SH3GL2: variants seen among roughly 807,000 people sequenced by gnomAD.
SH3GL2 encodes SH3 domain containing GRB2 like 2, endophilin A1.
A neutral mutation model predicts 46.0 loss-of-function variants in SH3GL2; 24 were observed. That is an observed-to-expected ratio of 0.52 (90% CI 0.38 to 0.73). The LOEUF is 0.73. SH3GL2 is among the 30% of genes least tolerant of loss of function. The probability of loss-of-function intolerance (pLI) is 0.00; values close to 1 mark genes in which losing one functional copy is unlikely to be tolerated. For synonymous variants in SH3GL2, 196 were observed against 147.1 expected (o/e 1.33, Z -2.40); for missense variants, 413 against 424.2 (o/e 0.97, Z 0.23).
At chr9:17,586,842 G>A (rs1192478751) in intron 1 of SH3GL2, among the ~76,000 whole-genome samples, 1 of 152,156 alleles carries the variant, frequency 6.6e-6, no homozygotes, top group Non-Finnish European at 1.5e-5. Flanking sequence ...ATTTGGGTGG[G>A]GACACAGCCA....
chr9:17,652,523 C>G (rs1819980402), intron 1 of SH3GL2, among the ~76,000 whole-genome samples: 1 of 152,066 alleles, frequency 6.6e-6, no homozygotes, highest in African/African-American at 2.4e-5. Context: ...AGAAGAGCAG[C>G]TAGTCTATGT....
intron 1 of SH3GL2, among the ~76,000 whole-genome samples, chr9:17,585,348 G>A (rs1450873151): frequency 6.6e-6 from 1 of 152,220 alleles, no homozygotes; most frequent in East Asian, 1.9e-4. Context: ...CCAGATAGGG[G>A]AGATGCTAAG....
intron 1 of SH3GL2, among the ~76,000 whole-genome samples, chr9:17,584,124 G>A (rs779273547): frequency 3.9e-5 from 6 of 152,118 alleles, no homozygotes; most frequent in Non-Finnish European, 8.8e-5. Context: ...TTTTATACAT[G>A]CATTTTTCTG....
intron 3 of SH3GL2, among the ~76,000 whole-genome samples, chr9:17,774,275 G>T (rs192861363): frequency 1.3e-5 from 2 of 152,090 alleles, no homozygotes; most frequent in Admixed American, 6.5e-5. Flanking sequence ...ATCCAATTTG[G>T]ATTCCTTTTT....
intron 1 of SH3GL2, among the ~76,000 whole-genome samples, chr9:17,602,662 A>G (rs1386963203): frequency 1.3e-5 from 2 of 152,236 alleles, no homozygotes; most frequent in Non-Finnish European, 2.9e-5. Flanking sequence ...ACAAAACGCT[A>G]ACAAGACAGT....
At chr9:17,704,770 C>T (rs1821427542) in intron 1 of SH3GL2, among the ~76,000 whole-genome samples, 1 of 151,892 alleles carries the variant, frequency 6.6e-6, no homozygotes, top group African/African-American at 2.4e-5. Flanking sequence ...CTTACATCAT[C>T]TAAAAAATTA....
chr9:17,586,857 G>A (rs531940586), intron 1 of SH3GL2, among the ~76,000 whole-genome samples: 5 of 152,302 alleles, frequency 3.3e-5, no homozygotes, highest in African/African-American at 7.2e-5. Context: ...CAGCCAAACC[G>A]TATCACAGAA....
intron 1 of SH3GL2, among the ~76,000 whole-genome samples, chr9:17,655,323 C>G (rs1292733776): frequency 6.6e-6 from 1 of 152,122 alleles, no homozygotes; most frequent in Admixed American, 6.5e-5. Flanking sequence ...TTTGTCCCTC[C>G]CTCTTCCTGT....
chr9:17,684,671 A>G (rs1820859522), intron 1 of SH3GL2, among the ~76,000 whole-genome samples: 2 of 152,064 alleles, frequency 1.3e-5, no homozygotes, highest in Admixed American at 6.6e-5. Context: ...GACATATTGT[A>G]TTCACACTGA....
intron 2 of SH3GL2, among the ~76,000 whole-genome samples, chr9:17,758,805 G>C (rs1823084488): frequency 6.6e-6 from 1 of 152,084 alleles, no homozygotes. Flanking sequence ...GTAACCAAAA[G>C]TGTTGAAGGA....
At chr9:17,741,809 A>T (rs551218278) in intron 1 of SH3GL2, among the ~76,000 whole-genome samples, 1 of 152,318 alleles carries the variant, frequency 6.6e-6, no homozygotes, top group South Asian at 2.1e-4. Context: ...GTTTTACTCA[A>T]CGAGTAGTTC....
At chr9:17,772,579 G>C (rs915700427) in intron 3 of SH3GL2, among the ~76,000 whole-genome samples, 2 of 152,158 alleles carry the variant, frequency 1.3e-5, no homozygotes, top group Non-Finnish European at 2.9e-5. Context: ...CTTCATGTAA[G>C]TGGAATCACA....
chr9:17,709,680 T>TACACACAC (rs3837228), intron 1 of SH3GL2, among the ~76,000 whole-genome samples: 6,180 of 148,214 alleles, frequency 0.042, 443 homozygotes, highest in African/African-American at 0.15. Flanking sequence ...TTATTTGTAT[T>TACACACAC]ACACACACAC....
intron 1 of SH3GL2, among the ~76,000 whole-genome samples, chr9:17,641,794 T>C (rs767733319): frequency 3.4e-5 from 5 of 148,896 alleles, no homozygotes; most frequent in Non-Finnish European, 5.9e-5. Context: ...GGCTGCATAG[T>C]ATTGCATGGT....
chr9:17,750,415 G>T (rs1039450674), intron 2 of SH3GL2, among the ~76,000 whole-genome samples: 2 of 151,868 alleles, frequency 1.3e-5, no homozygotes, highest in African/African-American at 4.8e-5. Context: ...CTAATCAGCC[G>T]CCCCAGCCAC....
At chr9:17,658,387 C>T (rs1429883627) in intron 1 of SH3GL2, among the ~76,000 whole-genome samples, 1 of 152,140 alleles carries the variant, frequency 6.6e-6, no homozygotes, top group Non-Finnish European at 1.5e-5. Context: ...TTTTATTTTC[C>T]TGCCTCCTTA....
intron 1 of SH3GL2, among the ~76,000 whole-genome samples, chr9:17,699,698 G>T (rs117312999): frequency 5.8e-4 from 88 of 152,306 alleles, no homozygotes; most frequent in African/African-American, 2.0e-3. Context: ...CAAAGACCAC[G>T]TGCCTCTTTG....
At chr9:17,652,230 C>T (rs1004499630) in intron 1 of SH3GL2, among the ~76,000 whole-genome samples, 13 of 151,990 alleles carry the variant, frequency 8.6e-5, no homozygotes, top group African/African-American at 2.9e-4. Context: ...AGGTGCATGC[C>T]GTAAATTTTG....
At chr9:17,719,208 T>G (rs1475777573) in intron 1 of SH3GL2, among the ~76,000 whole-genome samples, 1 of 152,164 alleles carries the variant, frequency 6.6e-6, no homozygotes, top group Non-Finnish European at 1.5e-5. Context: ...CAAATACTAC[T>G]TAGTCCTCTC....
Sources: gnomAD v4.1 joint callset for allele counts (sites outside exome capture counted in the v4.1 genomes callset) on GRCh38, gnomAD v4.1.1 for gene constraint, MANE v1.5 for transcripts, NCBI Gene and HGNC (gene_info 2026-07-23, HGNC 2026-07-21) for gene names.